GRAMD2B: variants seen among roughly 807,000 people sequenced by gnomAD.
The protein encoded by GRAMD2B is GRAM domain containing 2B.
GRAMD2B carries 41 observed loss-of-function variants against 59.2 expected under a neutral mutation model. The observed-to-expected ratio is 0.69, with a 90% confidence interval of 0.54 to 0.90. GRAMD2B has a LOEUF of 0.90. GRAMD2B is among the 40% of genes least tolerant of loss of function. The pLI, the probability that GRAMD2B is intolerant of heterozygous loss-of-function variation, is 0.00. For missense variants in GRAMD2B, 424 were observed against 500.5 expected (o/e 0.85, Z 1.46); for synonymous variants, 161 against 182.7 (o/e 0.88, Z 0.96).
At chr5:126,383,933 T>A (rs1755880668) in intron 1 of GRAMD2B, among the ~76,000 whole-genome samples, 1 of 152,192 alleles carries the variant, frequency 6.6e-6, no homozygotes, top group Admixed American at 6.5e-5. Context: ...CTACACTGAC[T>A]CATTATATGA....
chr5:126,409,396 G>A (rs1470307878), intron 1 of GRAMD2B, among the ~76,000 whole-genome samples: 4 of 152,152 alleles, frequency 2.6e-5, no homozygotes, highest in Non-Finnish European at 5.9e-5. Context: ...AGTATGAGAT[G>A]GTATCTCACT....
chr5:126,364,397 T>C (rs912591624), intron 1 of GRAMD2B, among the ~76,000 whole-genome samples: 2 of 152,254 alleles, frequency 1.3e-5, no homozygotes, highest in Non-Finnish European at 2.9e-5. Context: ...CTAACACAGC[T>C]AATGCCTCAG....
chr5:126,458,419 G>A (rs911778859), intron 1 of GRAMD2B, among the ~76,000 whole-genome samples: 2 of 150,968 alleles, frequency 1.3e-5, no homozygotes, highest in African/African-American at 2.4e-5. Flanking sequence ...CAGCCTGAGC[G>A]ACAGAGTAAG....
At chr5:126,472,366 G>T in intron 4 of GRAMD2B, 62 bp downstream of exon 4, 2 of 1,402,614 alleles carry the variant, frequency 1.4e-6, no homozygotes, top group African/African-American at 2.8e-5. Flanking sequence ...ATTAGTTTTG[G>T]GGAAGAAAAA....
intron 1 of GRAMD2B, among the ~76,000 whole-genome samples, chr5:126,396,537 C>T (rs889707374): frequency 6.6e-6 from 1 of 152,188 alleles, no homozygotes; most frequent in African/African-American, 2.4e-5. Flanking sequence ...CATAGTATTG[C>T]ATGGTGTATA....
upstream of GRAMD2B, among the ~76,000 whole-genome samples, chr5:126,419,037 G>A (rs1759486267): frequency 6.6e-6 from 1 of 152,132 alleles, no homozygotes; most frequent in South Asian, 2.1e-4. Flanking sequence ...GGCATGTGAT[G>A]ATACTTACCT....
At chr5:126,479,731 G>T (rs1771362167) in intron 6 of GRAMD2B, among the ~76,000 whole-genome samples, 2 of 152,202 alleles carry the variant, frequency 1.3e-5, no homozygotes, top group Non-Finnish European at 1.5e-5. Flanking sequence ...CCTCATTGGT[G>T]AATGAGAAGG....
chr5:126,470,060 C>T (rs144097874), intron 3 of GRAMD2B, among the ~76,000 whole-genome samples: 117 of 152,274 alleles, frequency 7.7e-4, no homozygotes, highest in African/African-American at 2.7e-3. Context: ...CAGGGACCAA[C>T]ACAAAGTCAT....
upstream of GRAMD2B, among the ~76,000 whole-genome samples, chr5:126,420,569 T>G (rs1759639446): frequency 6.6e-6 from 1 of 152,170 alleles, no homozygotes; most frequent in Non-Finnish European, 1.5e-5. Context: ...ACTAAAGAAC[T>G]TTAAGCTATT....
At chr5:126,371,600 T>C (rs1419950925) in intron 1 of GRAMD2B, 2 of 1,264,542 alleles carry the variant, frequency 1.6e-6, no homozygotes, top group African/African-American at 1.5e-5. Flanking sequence ...CATCCACGTC[T>C]GTCCCCCTGG....
At chr5:126,393,085 A>C (rs1043960914) in intron 1 of GRAMD2B, among the ~76,000 whole-genome samples, 2 of 152,126 alleles carry the variant, frequency 1.3e-5, no homozygotes, top group African/African-American at 4.8e-5. Context: ...GGGTACTTGG[A>C]ATTTCTTAGA....
In GRAMD2B at chr5:126,423,432, C is replaced by T; in HGVS notation, c.-175C>T. 3 of 1,404,866 alleles carry T rather than the reference C, an allele frequency of 2.1e-6. No homozygotes were observed. The highest frequency in any genetic ancestry group is 2.8e-6 in the Non-Finnish European group (3 of 1,085,286). The allele number at this position is 1,404,866 out of a possible 1,614,324, so 87.0% of individuals were successfully genotyped here. A position where few individuals can be genotyped will look rare whatever the true frequency, so the allele number is the denominator to read the frequency against. On this transcript the variant is annotated 5_prime_UTR_variant, in exon 1 of 14. Coordinates refer to ENST00000285689, the MANE Select transcript of GRAMD2B (RefSeq NM_023927.4). ...CCAATCGCGCCCGCTCCGACGTGTC[C>T]AGGTCCGCGGCCCCGGGAGCTTGGC...
At chr5:126,394,480 C>G (rs949488534) in intron 1 of GRAMD2B, among the ~76,000 whole-genome samples, 2 of 152,296 alleles carry the variant, frequency 1.3e-5, no homozygotes, top group South Asian at 2.1e-4. Context: ...AAAAAGAACT[C>G]TGAGGCCTGG....
intron 1 of GRAMD2B, among the ~76,000 whole-genome samples, chr5:126,408,364 G>T (rs1042410949): frequency 2.0e-5 from 3 of 151,952 alleles, no homozygotes; most frequent in Non-Finnish European, 2.9e-5. Flanking sequence ...TGGGCACATA[G>T]GTTGATTCCA....
chr5:126,367,692 C>T (rs116632084), upstream of GRAMD2B, among the ~76,000 whole-genome samples: 784 of 152,202 alleles, frequency 5.2e-3, 8 homozygotes, highest in African/African-American at 0.018. Context: ...ACTCTTATGG[C>T]CAAACTTTAA....
At chr5:126,393,759 G>T (rs1215477894) in intron 1 of GRAMD2B, among the ~76,000 whole-genome samples, 3 of 151,972 alleles carry the variant, frequency 2.0e-5, no homozygotes, top group Non-Finnish European at 4.4e-5. Flanking sequence ...TCTCCCTAAA[G>T]CACTGGAAAA....
intron 1 of GRAMD2B, among the ~76,000 whole-genome samples, chr5:126,449,626 T>C (rs768481938): frequency 1.8e-4 from 28 of 152,252 alleles, no homozygotes; most frequent in Non-Finnish European, 4.1e-4. Flanking sequence ...CTTTCACCAA[T>C]ATATAGATAT....
chr5:126,378,732 G>A (rs1755413606), intron 1 of GRAMD2B, among the ~76,000 whole-genome samples: 1 of 152,166 alleles, frequency 6.6e-6, no homozygotes, highest in African/African-American at 2.4e-5. Flanking sequence ...ATGTTGGCTT[G>A]TGACTGCCTG....
chr5:126,369,856 C>G (rs565286006), upstream of GRAMD2B, among the ~76,000 whole-genome samples: 1 of 152,296 alleles, frequency 6.6e-6, no homozygotes, highest in East Asian at 1.9e-4. Flanking sequence ...TAAGAGTTGT[C>G]TTTTGTTTAC....
Sources: gnomAD v4.1 joint callset for allele counts (sites outside exome capture counted in the v4.1 genomes callset) on GRCh38, gnomAD v4.1.1 for gene constraint, MANE v1.5 for transcripts, NCBI Gene and HGNC (gene_info 2026-07-23, HGNC 2026-07-21) for gene names.